MSH3: variants seen among roughly 807,000 people sequenced by gnomAD.
MSH3 encodes the protein mutS homolog 3.
Under a neutral mutation model 123.3 loss-of-function variants are expected in MSH3, and 106 were observed. The observed-to-expected ratio is 0.86, with a 90% CI of 0.73 to 1.01. The LOEUF (loss-of-function observed/expected upper bound fraction) is 1.01. MSH3 is among the 50% of genes least tolerant of loss of function. The probability of loss-of-function intolerance (pLI) is 0.00; values close to 1 mark genes in which losing one functional copy is unlikely to be tolerated. For synonymous variants in MSH3, 515 were observed against 481.4 expected (o/e 1.07, Z -0.91); for missense variants, 1,459 against 1,347.6 (o/e 1.08, Z -1.29).
intron 23 of MSH3, among the ~76,000 whole-genome samples, chr5:80,874,561 C>G (rs1746274031): frequency 6.6e-6 from 1 of 152,032 alleles, no homozygotes; most frequent in African/African-American, 2.4e-5. Flanking sequence ...AGTCCAGAGA[C>G]AAATTAAACT....
chr5:80,824,252 C>T lies in MSH3; in HGVS notation c.2813+10511C>T, dbSNP rs546686103. On this transcript the variant is annotated intron_variant, in intron 20 of 23. Transcript: ENST00000265081. Reference sequence around the variant, plus strand: ...GTGGCGGCCGGGCAGAGGGGCTCCTCACTTCCCAGAGGGGCGGCCGGGCAG... The same window carrying T: ...GTGGCGGCCGGGCAGAGGGGCTCCTTACTTCCCAGAGGGGCGGCCGGGCAG... Among the ~76,000 whole-genome samples, 364 of 152,278 alleles carry T rather than the reference C, an allele frequency of 2.4e-3. 3 individuals are homozygous for T. Among genetic ancestry groups the T allele is most frequent in the African/African-American group, 8.4e-3 (350 of 41,578 alleles).
At chr5:80,780,232 A>G (rs1344783760) in intron 17 of MSH3, among the ~76,000 whole-genome samples, 2 of 152,188 alleles carry the variant, frequency 1.3e-5, no homozygotes, top group Non-Finnish European at 2.9e-5. Context: ...AAACACTCCC[A>G]CCAGGGCTGA....
intron 3 of MSH3, among the ~76,000 whole-genome samples, chr5:80,666,505 A>G (rs901830273): frequency 6.6e-6 from 1 of 152,188 alleles, no homozygotes; most frequent in Non-Finnish European, 1.5e-5. Flanking sequence ...GTCTCTTTTA[A>G]TACTTAGAAG....
At chr5:80,836,652 G>A (rs1373970265) in intron 20 of MSH3, among the ~76,000 whole-genome samples, 3 of 150,880 alleles carry the variant, frequency 2.0e-5, no homozygotes, top group Non-Finnish European at 4.4e-5. Flanking sequence ...TCACATCCCT[G>A]ATATAAAGTG....
intron 10 of MSH3, among the ~76,000 whole-genome samples, chr5:80,737,002 T>G (rs909197858): frequency 6.6e-6 from 1 of 152,244 alleles, no homozygotes; most frequent in Non-Finnish European, 1.5e-5. Flanking sequence ...AGTGGTCTTG[T>G]AGACTCAACA....
chr5:80,766,339 C>CTTTTT lies in MSH3; in HGVS notation c.1897-1574_1897-1570dup, dbSNP rs1166492002. 4.0e-3 allele frequency among the ~76,000 whole-genome samples: 313 copies of CTTTTT among 78,152 alleles called. 2 individuals carry two copies. Among genetic ancestry groups the CTTTTT allele is most frequent in the African/African-American group, 5.2e-3 (93 of 17,800 alleles). 51.3% of individuals were successfully genotyped at this position (78,152 alleles called of 152,430 possible). A position where few individuals can be genotyped will look rare whatever the true frequency, so the allele number is the denominator to read the frequency against. ...TCTTCTTTTCTAGTGTGTTTTTTTC[C>CTTTTT]TTTTTTTTTTTTTTTTTTTTTTTTG... On this transcript the variant is annotated intron_variant, in intron 13 of 23. Coordinates refer to ENST00000265081, the MANE Select transcript of MSH3 (RefSeq NM_002439.5).
At chr5:80,744,409 C>T in intron 11 of MSH3, 97 bp from the exon 12 acceptor site, 1 of 825,484 alleles carries the variant, frequency 1.2e-6, no homozygotes, top group Non-Finnish European at 2.0e-6. Flanking sequence ...CCACATTGTG[C>T]TAGGTATATA....
intron 20 of MSH3, among the ~76,000 whole-genome samples, chr5:80,853,147 TA>T (rs774324203): frequency 1.1e-4 from 17 of 152,128 alleles, no homozygotes; most frequent in Non-Finnish European, 2.2e-4. Context: ...TTAAATCAGT[TA>T]AAGAAAAGCT....
At chr5:80,656,600 G>C in intron 2 of MSH3, 69 bp downstream of exon 2, 1 of 1,602,190 alleles carries the variant, frequency 6.2e-7, no homozygotes, top group Middle Eastern at 1.7e-4. Context: ...CCAGAGGGCA[G>C]AAGAGCGTAT....
rs1320023097 is a variant in MSH3, at chr5:80,654,751, G to C, written c.24G>C (p.Ser8=). The C allele has an allele frequency of 3.1e-6, 5 of 1,601,880 alleles. No individual in the cohort carries two copies. Among genetic ancestry groups the C allele is most frequent in the South Asian group, 2.2e-5 (2 of 90,308 alleles). The change falls in exon 1 of 24, where the codon TCG becomes TCC. Residue 8 remains serine (S), a synonymous_variant. Coordinates refer to ENST00000265081, the MANE Select transcript of MSH3 (RefSeq NM_002439.5). Reference sequence around the variant, plus strand: ...CCATGTCTCGCCGGAAGCCTGCGTCGGGCGGCCTCGCTGCCTCCAGCTCAG... The same window carrying C: ...CCATGTCTCGCCGGAAGCCTGCGTCCGGCGGCCTCGCTGCCTCCAGCTCAG... MSRRKPA[S]GGLAASSSAP...
At chr5:80,757,892 A>C (rs919960568) in intron 12 of MSH3, among the ~76,000 whole-genome samples, 2 of 152,222 alleles carry the variant, frequency 1.3e-5, no homozygotes. Flanking sequence ...TTTAATATTT[A>C]AAAATGTAGT....
At chr5:80,682,982 T>C (rs1750007578) in intron 8 of MSH3, among the ~76,000 whole-genome samples, 1 of 152,200 alleles carries the variant, frequency 6.6e-6, no homozygotes, top group Admixed American at 6.5e-5. Flanking sequence ...CCTGGCTTAT[T>C]TCATGTAAAA....
intron 8 of MSH3, among the ~76,000 whole-genome samples, chr5:80,703,108 A>G (rs1467052157): frequency 1.3e-5 from 2 of 152,184 alleles, no homozygotes; most frequent in East Asian, 1.9e-4. Context: ...CTTCACAACA[A>G]TCCTTTGAGG....
intron 20 of MSH3, among the ~76,000 whole-genome samples, chr5:80,843,530 G>A (rs6453526): frequency 6.6e-6 from 1 of 151,256 alleles, no homozygotes. Context: ...AATCCGTCTC[G>A]TCCTGGACTT....
At chr5:80,766,623 G>GT (rs1744129330) in intron 13 of MSH3, among the ~76,000 whole-genome samples, 1 of 152,074 alleles carries the variant, frequency 6.6e-6, no homozygotes, top group South Asian at 2.1e-4. Context: ...GATTACAGGC[G>GT]TGAGTCACTG....
At chr5:80,771,238 C>G (rs1744208116) in intron 15 of MSH3, among the ~76,000 whole-genome samples, 1 of 152,292 alleles carries the variant, frequency 6.6e-6, no homozygotes, top group African/African-American at 2.4e-5. Flanking sequence ...AATCCCAACA[C>G]TTTGGGAAGC....
At chr5:80,681,533 T>C (rs1027657852) in intron 8 of MSH3, among the ~76,000 whole-genome samples, 6 of 152,060 alleles carry the variant, frequency 3.9e-5, no homozygotes, top group Admixed American at 6.6e-5. Context: ...AAAATGAATA[T>C]AGAAATGGAA....
intron 20 of MSH3, among the ~76,000 whole-genome samples, chr5:80,848,846 A>C (rs1745773984): frequency 6.6e-6 from 1 of 152,164 alleles, no homozygotes; most frequent in East Asian, 1.9e-4. Context: ...TCGTATCTTC[A>C]CATTCAGAAC....
chr5:80,708,330 G>A (rs1750765902), intron 8 of MSH3, among the ~76,000 whole-genome samples: 1 of 152,064 alleles, frequency 6.6e-6, no homozygotes, highest in South Asian at 2.1e-4. Context: ...ATGAGGCAGG[G>A]ATTGAGGTTC....
Sources: gnomAD v4.1 joint callset for allele counts (sites outside exome capture counted in the v4.1 genomes callset) on GRCh38, gnomAD v4.1.1 for gene constraint, MANE v1.5 for transcripts, NCBI Gene and HGNC (gene_info 2026-07-23, HGNC 2026-07-21) for gene names.